Variants in TTBK1 observed in about 807,000 individuals in gnomAD.
TTBK1 encodes tau-tubulin kinase 1.
TTBK1 carries 34 observed loss-of-function variants against 108.5 expected under a neutral mutation model. The ratio of observed to expected loss-of-function variants is 0.31; its 90% CI spans 0.24 to 0.42. The LOEUF (loss-of-function observed/expected upper bound fraction) is 0.42, where lower values mean the gene tolerates loss of function less well. Ranked by LOEUF, TTBK1 falls within the 10% of genes least tolerant of loss-of-function variation. The pLI, the probability that TTBK1 is intolerant of heterozygous loss-of-function variation, is 1.00. For synonymous variants in TTBK1, 809 were observed against 795.1 expected (o/e 1.02, Z -0.29); for missense variants, 1,539 against 1,826.0 (o/e 0.84, Z 2.86).
chr6:43,260,092 G>C (rs529677136), intron 12 of TTBK1, among the ~76,000 whole-genome samples: 2 of 152,276 alleles, frequency 1.3e-5, no homozygotes, highest in South Asian at 4.1e-4. Context: ...TCAGCTTTGG[G>C]GGAGGGGGCC....
Position 43,257,464 on chromosome 6 carries a change from A to AT in TTBK1, c.862-348_862-347insT, listed in dbSNP as rs1777411564. 2.6e-5 allele frequency among the ~76,000 whole-genome samples: 4 copies of AT among 152,230 alleles called. No homozygotes were observed. In the South Asian group the frequency reaches 8.3e-4, roughly 32 times the overall value. On this transcript the variant is annotated intron_variant, in intron 9 of 14. Transcript: ENST00000259750. The surrounding 1 kb of genome is among the most constrained non-coding windows in gnomAD (Gnocchi z 4.5). ...GCCCCAGCAGAGGGGCAGTCTGTGC[A>AT]GAGGCAGCACCCCATGCATGGGTTT...
In TTBK1 at chr6:43,269,590, G is replaced by C; in HGVS notation, c.1986+6240G>C. The C allele has an allele frequency of 6.5e-7, 1 of 1,546,626 alleles. No individual in the cohort carries two copies. Among genetic ancestry groups the C allele is most frequent in the East Asian group, 2.4e-5 (1 of 42,268 alleles). ...GGTGGGTGGCCCCGGAGACGGAGCT[G>C]TCGAGTCTGTGCCTGACACCTCTTT... On this transcript the variant is annotated intron_variant, in intron 13 of 14. Coordinates refer to ENST00000259750, the MANE Select transcript of TTBK1 (RefSeq NM_032538.3). This position sits in a 1 kb window ranked among gnomAD's most constrained non-coding sequence, Gnocchi z 4.8.
chr6:43,285,178 C>A lies in TTBK1; in HGVS notation c.3768C>A (p.Arg1256=). 2 of 1,379,666 alleles carry A rather than the reference C, an allele frequency of 1.4e-6. No homozygotes were observed. The highest frequency in any genetic ancestry group is 1.9e-6 in the Non-Finnish European group (2 of 1,073,874). 85.5% of individuals were successfully genotyped at this position (1,379,666 alleles called of 1,614,324 possible). A position where few individuals can be genotyped will look rare whatever the true frequency, so the allele number is the denominator to read the frequency against. The change falls in exon 15 of 15, where the codon CGC becomes CGA. Residue 1256 remains arginine, a synonymous_variant. Coordinates refer to ENST00000259750, the MANE Select transcript of TTBK1 (RefSeq NM_032538.3). This position sits in a 1 kb window ranked among gnomAD's most constrained non-coding sequence, Gnocchi z 4.7. The part of the protein sequence containing the change: ...SASPRSQSLS[R]RESPSPSHQA... ...CCCCCCGGAGCCAGTCCCTGTCCCG[C>A]AGAGAGAGCCCCTCCCCCTCGCACC...
chr6:43,253,684 C>T lies in TTBK1; in HGVS notation c.447C>T (p.Gly149=). ...LESIEAIHSV[G]FLHRDIKPSN... is the part of the protein sequence containing the mutation. ...CCATCGAGGCCATCCACTCTGTGGG[C>T]TTCCTGCACCGTGACATCAAGCCTG... Residue 149 remains glycine (G), a synonymous_variant, in exon 5 of 15, where the codon GGC becomes GGT. Transcript: ENST00000259750. This position sits in a 1 kb window ranked among gnomAD's most constrained non-coding sequence, Gnocchi z 5.8. 6.2e-7 allele frequency: 1 copy of T among 1,613,396 alleles called. No individual in the cohort carries two copies. Among genetic ancestry groups the T allele is most frequent in the Non-Finnish European group, 8.5e-7 (1 of 1,179,668 alleles).
chr6:43,266,024 A>G (rs1777668126), intron 13 of TTBK1, among the ~76,000 whole-genome samples: 2 of 152,112 alleles, frequency 1.3e-5, no homozygotes, highest in South Asian at 4.2e-4. Context: ...CGATTCTGTA[A>G]TCAGTCTCGG....
At chr6:43,278,012 G>T (rs142832075) in intron 13 of TTBK1, among the ~76,000 whole-genome samples, 1 of 152,168 alleles carries the variant, frequency 6.6e-6, no homozygotes, top group African/African-American at 2.4e-5. Flanking sequence ...ATCACACATC[G>T]CCTCCCAGCC....
At position 43,284,156 on chromosome 6, in the gene TTBK1, C is replaced by G. The variant is rs745370138; in HGVS notation, c.3416C>G (p.Ala1139Gly). The G allele has an allele frequency of 3.5e-5, 54 of 1,549,556 alleles. 1 individual carries two copies. In the Middle Eastern group the frequency reaches 1.2e-3, roughly 34 times the overall value. The change falls in exon 14 of 15, where the codon GCA becomes GGA. Residue 1139 changes from alanine (A) to glycine (G), a missense_variant. Around this residue, in one of 5 missense-constraint regions of TTBK1, gnomAD observed 1,055 missense variants for 1,086.5 expected, o/e 0.97. Coordinates refer to ENST00000259750, the MANE Select transcript of TTBK1 (RefSeq NM_032538.3). ...GAGGACACGCCCGCCTCTGAGCCGG[C>G]AGCGGCCTTGCCCAGGAAGAGCGGG... The part of the protein sequence containing the change: ...SEEDTPASEP[A>G]AALPRKSGRA...
At position 43,283,410 on chromosome 6, in the gene TTBK1, C is replaced by T. The variant is rs1293198747; in HGVS notation, c.2670C>T (p.Val890=). 1 of 1,612,446 alleles carries T rather than the reference C, an allele frequency of 6.2e-7. No homozygotes were observed. Among genetic ancestry groups the T allele is most frequent in the Non-Finnish European group, 8.5e-7 (1 of 1,179,286 alleles). ...CTGAGCCAGGCACCCTGTCCTCTGT[C>T]CTCAAGTCTGAGCCCAAGCCCCCGG... ...DVSEPGTLSS[V]LKSEPKPPGP... Residue 890 remains valine (V), a synonymous_variant, in exon 14 of 15, where the codon GTC becomes GTT. Transcript: ENST00000259750. The surrounding 1 kb of genome is among the most constrained non-coding windows in gnomAD (Gnocchi z 8.1).
intron 5 of TTBK1, 112 bp from the exon 6 acceptor site, chr6:43,254,435 T>C (rs1777330082): frequency 1.5e-6 from 1 of 681,492 alleles, no homozygotes; most frequent in Non-Finnish European, 2.4e-6. Flanking sequence ...TGCGGGCGAG[T>C]GAATGTGGGG....
rs1777481534 is a variant in TTBK1, at chr6:43,259,606, C to T, written c.1324C>T (p.Pro442Ser). 1 of 1,611,976 alleles carries T rather than the reference C, an allele frequency of 6.2e-7. No homozygotes were observed. The highest frequency in any genetic ancestry group is 8.5e-7 in the Non-Finnish European group (1 of 1,179,340). The change falls in exon 12 of 15, where the codon CCC becomes TCC. Residue 442 changes from proline (P) to serine (S), a missense_variant. By Grantham distance (74) the Pro-to-Ser change is moderately conservative (BLOSUM62 -1). Transcript: ENST00000259750. The surrounding 1 kb of genome is among the most constrained non-coding windows in gnomAD (Gnocchi z 6.7). ...CCCAGTGCGTGCCCCCCCAGACTCC[C>T]CCACAACCCCAGTCCGTTCTCTGCG... is the stretch of plus-strand genomic sequence containing the variant. ...SSPVRAPPDSPTTPVRSLRYR... is the reference protein window; with the variant it reads ...SSPVRAPPDSSTTPVRSLRYR...
chr6:43,271,684 G>T (rs546616740), intron 13 of TTBK1: 6 of 985,288 alleles, frequency 6.1e-6, no homozygotes, highest in Non-Finnish European at 7.2e-6. Context: ...CACCATTGTG[G>T]TATGGCTCAT....
rs1777606981 is a variant in TTBK1, at chr6:43,263,697, CTG to C, written c.1986+350_1986+351del. On this transcript the variant is annotated intron_variant, in intron 13 of 14. Transcript: ENST00000259750. This position sits in a 1 kb window ranked among gnomAD's most constrained non-coding sequence, Gnocchi z 4.7. The stretch of plus-strand genomic sequence containing the variant: ...TGATGGCACACTGCAGCAGACAAGG[CTG>C]TGAGGTCAGCCCTGGGCCCTGCCAC... Among the ~76,000 whole-genome samples, 1 of 152,194 alleles carries C rather than the reference CTG, an allele frequency of 6.6e-6. No individual in the cohort carries two copies. Among genetic ancestry groups the C allele is most frequent in the Admixed American group, 6.5e-5 (1 of 15,288 alleles).
At position 43,259,836 on chromosome 6, in the gene TTBK1, G is replaced by A; in HGVS notation, c.1424+130G>A. On this transcript the variant is annotated intron_variant, in intron 12 of 14. Transcript: ENST00000259750. The surrounding 1 kb of genome is among the most constrained non-coding windows in gnomAD (Gnocchi z 6.7). Reference sequence around the variant, plus strand: ...GGGAAGTGCTGAGAGGGTTATACTTGGGCCTGGGGTCAGACTCAGTTGGGG... The same window carrying A: ...GGGAAGTGCTGAGAGGGTTATACTTAGGCCTGGGGTCAGACTCAGTTGGGG... 1 of 981,084 alleles carries A rather than the reference G, an allele frequency of 1.0e-6. No individual in the cohort carries two copies. Among genetic ancestry groups the A allele is most frequent in the Non-Finnish European group, 1.4e-6 (1 of 690,836 alleles). 60.8% of individuals were successfully genotyped at this position (981,084 alleles called of 1,614,324 possible).
chr6:43,270,535 G>C (rs1186604431), intron 13 of TTBK1: 1 of 986,010 alleles, frequency 1.0e-6, no homozygotes, highest in Admixed American at 6.1e-5. Flanking sequence ...GTGATCGGGG[G>C]AGGAGCCCTG....
Position 43,259,478 on chromosome 6 carries a change from C to G in TTBK1, c.1249-53C>G. On this transcript the variant is annotated intron_variant, in intron 11 of 14. Coordinates refer to ENST00000259750, the MANE Select transcript of TTBK1 (RefSeq NM_032538.3). The surrounding 1 kb of genome is among the most constrained non-coding windows in gnomAD (Gnocchi z 6.7). ...GTCTCCTTCACCCTGAGGAGACCAT[C>G]CGCCCACAGCCGCCTCATCAGCCCC... 6.7e-7 allele frequency: 1 copy of G among 1,502,098 alleles called. No homozygotes were observed. Among genetic ancestry groups the G allele is most frequent in the Non-Finnish European group, 8.9e-7 (1 of 1,124,868 alleles). 93.0% of individuals were successfully genotyped at this position (1,502,098 alleles called of 1,614,324 possible). A position where few individuals can be genotyped will look rare whatever the true frequency, so the allele number is the denominator to read the frequency against.
intron 13 of TTBK1, among the ~76,000 whole-genome samples, chr6:43,277,425 C>T (rs1462638738): frequency 6.6e-6 from 1 of 152,152 alleles, no homozygotes; most frequent in African/African-American, 2.4e-5. Flanking sequence ...AAGGCCCCCC[C>T]ATACCTCCAC....
Position 43,252,880 on chromosome 6 carries a change from T to C in TTBK1, c.250T>C (p.Leu84=), listed in dbSNP as rs145557196. Residue 84 remains leucine (L), a synonymous_variant, in exon 3 of 15, where the codon TTG becomes CTG. Coordinates refer to ENST00000259750, the MANE Select transcript of TTBK1 (RefSeq NM_032538.3). ...GATGGAGGTGGCCGTGCTCAAGAAG[T>C]TGCAAGGTTCGGGCCTCGGGCAGGG... ...LKMEVAVLKK[L]QGKDHVCRFI... is the part of the protein sequence containing the mutation. The C allele has an allele frequency of 1.6e-4, 265 of 1,613,152 alleles. No homozygotes were observed. The highest frequency in any genetic ancestry group is 1.2e-3 in the Admixed American group (70 of 59,972).
rs967361180 is a variant in TTBK1 at position 43,253,024 on chromosome 6, G to T, written c.256+138G>T. 52 of 1,161,902 alleles carry T rather than the reference G, an allele frequency of 4.5e-5. No individual in the cohort carries two copies. Among genetic ancestry groups the T allele is most frequent in the Non-Finnish European group, 6.4e-5 (52 of 818,318 alleles). 72.0% of individuals were successfully genotyped at this position (1,161,902 alleles called of 1,614,324 possible). On this transcript the variant is annotated intron_variant, in intron 3 of 14. Coordinates refer to ENST00000259750, the MANE Select transcript of TTBK1 (RefSeq NM_032538.3). This position sits in a 1 kb window ranked among gnomAD's most constrained non-coding sequence, Gnocchi z 5.8. ...AAAGGGGATGGAGCCAGGAGCTAAG[G>T]GGGAGGTGACGGAGCCAGAGTCTAG... is the stretch of plus-strand genomic sequence containing the variant.
At chr6:43,272,735 TTCACATGG>T in intron 13 of TTBK1, 1 of 958,932 alleles carries the variant, frequency 1.0e-6, no homozygotes, top group Non-Finnish European at 1.2e-6. Flanking sequence ...TCGGCAGAGC[TTCACATGG>T]TTTGGGTCGA....
Sources: gnomAD v4.1 joint callset for allele counts (sites outside exome capture counted in the v4.1 genomes callset) on GRCh38, gnomAD v4.1.1 for gene constraint, gnomAD v4.1.1 regional missense constraint, Gnocchi (gnomAD v3.1) non-coding constraint, MANE v1.5 for transcripts, NCBI Gene and HGNC (gene_info 2026-07-23, HGNC 2026-07-21) for gene names.